METTL25: variants seen among roughly 807,000 people sequenced by gnomAD.
METTL25 encodes methyltransferase like 25.
Under a neutral mutation model 71.6 loss-of-function variants are expected in METTL25, and 64 were observed. That is an observed-to-expected ratio of 0.89 (90% CI 0.73 to 1.10). METTL25 has a LOEUF of 1.10. Ranked by LOEUF, METTL25 falls within the 50% of genes least tolerant of loss-of-function variation. The pLI is 0.00. For synonymous variants in METTL25, 287 were observed against 250.3 expected, an observed-to-expected ratio of 1.15 and a Z score of -1.38; for missense variants, 807 against 707.0, an observed-to-expected ratio of 1.14 and a Z score of -1.60.
chr12:82,433,406 T>C (rs1889673574), intron 6 of METTL25, among the ~76,000 whole-genome samples: 1 of 151,718 alleles, frequency 6.6e-6, no homozygotes, highest in Non-Finnish European at 1.5e-5. Context: ...GAAAATTATG[T>C]AATAGCTGTC....
chr12:82,373,335 G>T (rs1011671808), intron 1 of METTL25, among the ~76,000 whole-genome samples: 1 of 152,150 alleles, frequency 6.6e-6, no homozygotes, highest in East Asian at 1.9e-4. Context: ...TGTTAGGCCT[G>T]CTTGTCTGTG....
chr12:82,378,010 A>AT (rs200294525), intron 1 of METTL25, among the ~76,000 whole-genome samples: 1,806 of 150,092 alleles, frequency 0.012, 23 homozygotes, highest in African/African-American at 0.04. Context: ...CTTCTTCTCT[A>AT]TTTTTTTTTC....
chr12:82,361,485 G>T (rs2136786811), intron 1 of METTL25, among the ~76,000 whole-genome samples: 1 of 152,250 alleles, frequency 6.6e-6, no homozygotes, highest in South Asian at 2.1e-4. Flanking sequence ...CGTTGGGGAG[G>T]CTTGGGCTAC....
intron 8 of METTL25, among the ~76,000 whole-genome samples, chr12:82,455,582 A>G (rs1309212371): frequency 6.6e-6 from 1 of 151,958 alleles, no homozygotes; most frequent in Non-Finnish European, 1.5e-5. Flanking sequence ...CAGTTCAACT[A>G]AGATGTAGAA....
rs190291653 is a variant in METTL25 at position 82,432,140 on chromosome 12, C to G, written c.1374+1153C>G. On this transcript the variant is annotated intron_variant, in intron 6 of 11. Coordinates refer to ENST00000248306, the MANE Select transcript of METTL25 (RefSeq NM_032230.3). The stretch of plus-strand genomic sequence containing the variant: ...GTTGATTAAATAATATGTTTAATGT[C>G]CAACTGCAAGATAAACCAATTCTTT... 2.8e-3 allele frequency among the ~76,000 whole-genome samples: 422 copies of G among 151,646 alleles called. 2 individuals are homozygous for G. Among genetic ancestry groups the G allele is most frequent in the African/African-American group, 9.4e-3 (389 of 41,446 alleles).
At chr12:82,455,269 A>G (rs1034043169) in intron 8 of METTL25, among the ~76,000 whole-genome samples, 2 of 151,890 alleles carry the variant, frequency 1.3e-5, no homozygotes, top group African/African-American at 2.4e-5. Context: ...TTTGTGATAC[A>G]TAAGATATAT....
chr12:82,401,599 G>A (rs931494634), intron 4 of METTL25, among the ~76,000 whole-genome samples: 5 of 151,700 alleles, frequency 3.3e-5, no homozygotes, highest in Non-Finnish European at 7.4e-5. Flanking sequence ...TGTACTACAG[G>A]TTATGCAATT....
chr12:82,397,383 T>C (rs1886174147), intron 3 of METTL25, among the ~76,000 whole-genome samples: 2 of 152,090 alleles, frequency 1.3e-5, no homozygotes, highest in South Asian at 4.1e-4. Context: ...ATAAGTCCTT[T>C]CTCAGATAAA....
intron 8 of METTL25, among the ~76,000 whole-genome samples, chr12:82,442,597 A>T (rs1890433163): frequency 6.6e-6 from 1 of 152,150 alleles, no homozygotes; most frequent in African/African-American, 2.4e-5. Flanking sequence ...CAGGAAGTGC[A>T]TATGGCTGTA....
chr12:82,358,910 G>A (rs1163922345), intron 1 of METTL25, 86 bp downstream of exon 1: 1 of 1,496,848 alleles, frequency 6.7e-7, no homozygotes, highest in East Asian at 2.5e-5. Context: ...GAAGCCAGCA[G>A]AACCAGGTGC....
chr12:82,436,821 TAAA>T (rs1480396932), intron 7 of METTL25, among the ~76,000 whole-genome samples: 3 of 151,624 alleles, frequency 2.0e-5, no homozygotes, highest in Admixed American at 6.6e-5. Flanking sequence ...GCGTTTCATA[TAAA>T]ATTAAACTTA....
At chr12:82,382,374 T>G (rs548948020) in intron 1 of METTL25, among the ~76,000 whole-genome samples, 4 of 152,204 alleles carry the variant, frequency 2.6e-5, no homozygotes, top group African/African-American at 9.6e-5. Flanking sequence ...TTTTACTTTA[T>G]GTCACATTCT....
intron 1 of METTL25, among the ~76,000 whole-genome samples, chr12:82,384,951 C>T (rs1163637915): frequency 6.6e-6 from 1 of 152,092 alleles, no homozygotes; most frequent in Non-Finnish European, 1.5e-5. Flanking sequence ...GAGAATTTCA[C>T]TTAATAGTTG....
At chr12:82,402,255 A>AAGTAG (rs143252774) in intron 4 of METTL25, among the ~76,000 whole-genome samples, 4,414 of 152,170 alleles carry the variant, frequency 0.029, 76 homozygotes, top group Middle Eastern at 0.041. Flanking sequence ...TTTGTTGTTA[A>AAGTAG]AGTAGAAATA....
At chr12:82,421,332 A>G (rs1236281820) in intron 5 of METTL25, among the ~76,000 whole-genome samples, 5 of 152,160 alleles carry the variant, frequency 3.3e-5, no homozygotes, top group Non-Finnish European at 7.4e-5. Flanking sequence ...TTAGGAGATA[A>G]ATAAACAGGA....
intron 8 of METTL25, among the ~76,000 whole-genome samples, chr12:82,441,452 T>G (rs1890317869): frequency 6.6e-6 from 1 of 151,894 alleles, no homozygotes; most frequent in African/African-American, 2.4e-5. Context: ...TTGAGAGAGT[T>G]CAACTCTGGA....
chr12:82,451,641 T>A (rs1451858020), intron 8 of METTL25, among the ~76,000 whole-genome samples: 1 of 152,168 alleles, frequency 6.6e-6, no homozygotes, highest in Non-Finnish European at 1.5e-5. Context: ...TAAACACTGT[T>A]TTGTGGAGCC....
intron 8 of METTL25, 51 bp downstream of exon 8, chr12:82,438,842 G>A: frequency 7.0e-7 from 1 of 1,427,546 alleles, no homozygotes; most frequent in Non-Finnish European, 9.3e-7. Flanking sequence ...TGTAAGTAAA[G>A]TGACTTTTAG....
intron 7 of METTL25, 110 bp downstream of exon 7, chr12:82,434,834 C>A: frequency 1.1e-6 from 1 of 889,866 alleles, no homozygotes; most frequent in South Asian, 1.5e-5. Context: ...ATATCTTGTC[C>A]CAGATGCATA....
Sources: gnomAD v4.1 joint callset for allele counts (sites outside exome capture counted in the v4.1 genomes callset) on GRCh38, gnomAD v4.1.1 for gene constraint, MANE v1.5 for transcripts, NCBI Gene and HGNC (gene_info 2026-07-23, HGNC 2026-07-21) for gene names.